Variants in LCP2 observed in about 807,000 individuals in gnomAD.
The protein encoded by LCP2 is lymphocyte cytosolic protein 2.
LCP2 carries 29 observed loss-of-function variants against 74.5 expected under a neutral mutation model. The ratio of observed to expected loss-of-function variants is 0.39; its 90% confidence interval spans 0.29 to 0.53. LCP2 has a LOEUF of 0.53. LCP2 is among the 20% of genes least tolerant of loss of function. The pLI is 0.72. For missense variants in LCP2, 604 were observed against 634.6 expected (o/e 0.95, Z 0.52); for synonymous variants, 228 against 229.5 (o/e 0.99, Z 0.06).
In LCP2 at chr5:170,248,518, AT is replaced by A; in HGVS notation, c.*178del. The A allele has an allele frequency of 1.6e-6, 1 of 632,884 alleles. No individual in the cohort carries two copies. The highest frequency in any genetic ancestry group is 2.8e-6 in the Non-Finnish European group (1 of 361,862). 39.2% of individuals were successfully genotyped at this position (632,884 alleles called of 1,614,324 possible). On this transcript the variant is annotated 3_prime_UTR_variant, in exon 21 of 21. Coordinates refer to ENST00000046794, the MANE Select transcript of LCP2 (RefSeq NM_005565.5). ...ACAAACATTGAAGAAGAATAAATAA[AT>A]TATGGGATAGTTGACAGTCTTCATT...
chr5:170,267,559 C>G (rs1041198459), intron 8 of LCP2, among the ~76,000 whole-genome samples: 2 of 152,066 alleles, frequency 1.3e-5, no homozygotes, highest in African/African-American at 4.8e-5. Context: ...CTGGCTCATT[C>G]TGTCCCAGGT....
At chr5:170,290,340 C>A (rs1350960996) in intron 2 of LCP2, among the ~76,000 whole-genome samples, 1 of 152,130 alleles carries the variant, frequency 6.6e-6, no homozygotes, top group African/African-American at 2.4e-5. Flanking sequence ...CCTTTGTTTT[C>A]CTACTGACAG....
chr5:170,261,619 C>T (rs747843591), intron 13 of LCP2, among the ~76,000 whole-genome samples: 10 of 152,282 alleles, frequency 6.6e-5, no homozygotes, highest in South Asian at 2.1e-4. Flanking sequence ...TCAGGGCCCA[C>T]CTTGGTGTAA....
chr5:170,297,371 A>T (rs1435451564), intron 1 of LCP2, among the ~76,000 whole-genome samples, 163 bp downstream of exon 1: 1 of 152,070 alleles, frequency 6.6e-6, no homozygotes, highest in Non-Finnish European at 1.5e-5. Context: ...GGTCAGGAAA[A>T]CTCAGCGGTC....
chr5:170,282,436 T>G (rs1483788256), intron 3 of LCP2, among the ~76,000 whole-genome samples: 1 of 152,204 alleles, frequency 6.6e-6, no homozygotes, highest in Non-Finnish European at 1.5e-5. Context: ...TTAGCTCTTT[T>G]CCCTTCTACA....
chr5:170,279,579 T>C (rs1208787731), intron 3 of LCP2, among the ~76,000 whole-genome samples: 2 of 152,238 alleles, frequency 1.3e-5, no homozygotes, highest in African/African-American at 4.8e-5. Context: ...AGCCTAGACC[T>C]ACCTGAACGG....
intron 1 of LCP2, among the ~76,000 whole-genome samples, chr5:170,295,952 C>T (rs543204054): frequency 8.1e-4 from 124 of 152,194 alleles, no homozygotes; most frequent in Admixed American, 6.7e-3. Flanking sequence ...GACCCGTGGT[C>T]CATCTCCCTG....
intron 6 of LCP2, 104 bp from the exon 7 acceptor site, chr5:170,271,021 G>A (rs546972014): frequency 5.0e-5 from 51 of 1,021,676 alleles, no homozygotes; most frequent in Middle Eastern, 2.2e-4. Flanking sequence ...AGTATAACCC[G>A]GGACCAGGCA....
chr5:170,247,343 T>C lies in LCP2; in HGVS notation c.*1354A>G, dbSNP rs1761321606. 1 of 152,226 alleles carries C rather than the reference T, an allele frequency of 6.6e-6. No individual in the cohort carries two copies. Among genetic ancestry groups the C allele is most frequent in the Non-Finnish European group, 1.5e-5 (1 of 68,032 alleles). 9.4% of individuals were successfully genotyped at this position (152,226 alleles called of 1,614,324 possible). A position where few individuals can be genotyped will look rare whatever the true frequency, so the allele number is the denominator to read the frequency against. Reference sequence around the variant, plus strand: ...TCATCAGTTAAAAGTCTCTACCTTCTGCATACTCCTTATTTTAACATATCA... The same window carrying C: ...TCATCAGTTAAAAGTCTCTACCTTCCGCATACTCCTTATTTTAACATATCA... On this transcript the variant is annotated 3_prime_UTR_variant, in exon 21 of 21. Transcript: ENST00000046794.
intron 10 of LCP2, among the ~76,000 whole-genome samples, chr5:170,264,602 A>C (rs992752172): frequency 5.9e-5 from 9 of 152,230 alleles, no homozygotes; most frequent in African/African-American, 1.7e-4. Flanking sequence ...GTTCAAGATC[A>C]GCCTGGTGAA....
At chr5:170,259,401 A>G (rs1761615585) in intron 14 of LCP2, among the ~76,000 whole-genome samples, 3 of 152,160 alleles carry the variant, frequency 2.0e-5, no homozygotes, top group Non-Finnish European at 4.4e-5. Context: ...CAATAAGACC[A>G]TATTTATACG....
intron 10 of LCP2, among the ~76,000 whole-genome samples, chr5:170,266,172 C>T (rs925830974): frequency 2.0e-5 from 3 of 152,112 alleles, no homozygotes; most frequent in East Asian, 1.9e-4. Flanking sequence ...AATAGCTGCA[C>T]GTGAAGGTAA....
intron 14 of LCP2, among the ~76,000 whole-genome samples, chr5:170,260,471 T>G (rs796400720): frequency 1.2e-4 from 18 of 152,342 alleles, no homozygotes; most frequent in African/African-American, 4.3e-4. Context: ...GCAAAGAGTA[T>G]CTTATTCCTT....
intron 6 of LCP2, among the ~76,000 whole-genome samples, chr5:170,272,803 G>C (rs571629652): frequency 1.2e-3 from 187 of 151,224 alleles, no homozygotes; most frequent in African/African-American, 4.1e-3. Flanking sequence ...TAGTAGAGAT[G>C]GGGTTTCACC....
chr5:170,252,487 C>G lies in LCP2; in HGVS notation c.1270G>C (p.Val424Leu), dbSNP rs895809061. ...EENSLNEEWY[V>L]SYITRPEAEA... ...GCCTCTGGTCGGGTAATATAAGAAA[C>G]GTACCACTCTTCATTTAATGAATTC... Residue 424 changes from valine to leucine, a missense_variant, in exon 19 of 21, where the codon GTT (valine) becomes CTT (leucine). Physicochemically the swap from Val to Leu is conservative, Grantham distance 32. Transcript: ENST00000046794. 6.4e-7 allele frequency: 1 copy of G among 1,572,786 alleles called. No individual in the cohort carries two copies. Among genetic ancestry groups the G allele is most frequent in the Non-Finnish European group, 8.7e-7 (1 of 1,147,050 alleles).
chr5:170,262,682 T>A lies in LCP2; in HGVS notation c.879A>T (p.Arg293Ser). 2 of 1,614,010 alleles carry A rather than the reference T, an allele frequency of 1.2e-6. No individual in the cohort carries two copies. The highest frequency in any genetic ancestry group is 8.5e-7 in the Non-Finnish European group (1 of 1,179,866). Reference protein sequence around the residue: ...QKPPLPPTTERHERSSPLPGK... With the variant: ...QKPPLPPTTESHERSSPLPGK... Reference sequence around the variant, plus strand: ...CTGGCAGGGGGCTGCTCCTTTCATGTCTTTCCGTGGTCGGTGGTAAAGGAG... The same window carrying A: ...CTGGCAGGGGGCTGCTCCTTTCATGACTTTCCGTGGTCGGTGGTAAAGGAG... The change falls in exon 13 of 21, where the codon AGA (arginine) becomes AGT (serine). Residue 293 changes from arginine to serine, a missense_variant. By Grantham distance (110) the Arg-to-Ser change is moderately radical. Coordinates refer to ENST00000046794, the MANE Select transcript of LCP2 (RefSeq NM_005565.5).
At position 170,270,922 on chromosome 5, in the gene LCP2, C is replaced by T. The variant is rs769323427; in HGVS notation, c.325-5G>A. ...ACTTTCATAATCGTCTTCTTCCTGCCCACACAGTGATAGGGACAGTGCAGT... is the reference window on the plus strand; with the variant it reads ...ACTTTCATAATCGTCTTCTTCCTGCTCACACAGTGATAGGGACAGTGCAGT... On this transcript the variant is annotated splice_region_variant and splice_polypyrimidine_tract_variant and intron_variant, in intron 6 of 20. Coordinates refer to ENST00000046794, the MANE Select transcript of LCP2 (RefSeq NM_005565.5). The T allele has an allele frequency of 6.2e-7, 1 of 1,610,650 alleles. No individual in the cohort carries two copies. The highest frequency in any genetic ancestry group is 1.1e-5 in the South Asian group (1 of 90,072).
chr5:170,295,349 G>T (rs1762355707), intron 1 of LCP2, among the ~76,000 whole-genome samples: 1 of 152,208 alleles, frequency 6.6e-6, no homozygotes, highest in Non-Finnish European at 1.5e-5. Context: ...GAAGGTAAAA[G>T]GGCAGAAGGA....
At chr5:170,277,293 A>G (rs1762023519) in intron 3 of LCP2, among the ~76,000 whole-genome samples, 2 of 152,022 alleles carry the variant, frequency 1.3e-5, no homozygotes. Context: ...GCCTATGAGA[A>G]CGGCTCATGA....
Sources: gnomAD v4.1 joint callset for allele counts (sites outside exome capture counted in the v4.1 genomes callset) on GRCh38, gnomAD v4.1.1 for gene constraint, MANE v1.5 for transcripts, NCBI Gene and HGNC (gene_info 2026-07-23, HGNC 2026-07-21) for gene names.